ZFAT: variants seen among roughly 807,000 people sequenced by gnomAD.
ZFAT encodes zinc finger and AT-hook domain containing.
ZFAT carries 64 observed loss-of-function variants against 117.7 expected under a neutral mutation model. The observed-to-expected ratio is 0.54, with a 90% CI of 0.44 to 0.67. ZFAT has a LOEUF of 0.67. Ranked by LOEUF, ZFAT falls within the 30% of genes least tolerant of loss-of-function variation. The pLI is 0.00. For missense variants in ZFAT, 1,433 were observed against 1,584.5 expected (o/e 0.90, Z 1.62); for synonymous variants, 679 against 615.0 (o/e 1.10, Z -1.54).
chr8:134,728,440 A>C, the ZFAT span, among the ~76,000 whole-genome samples: 4,996 of 152,254 alleles, frequency 0.033, 144 homozygotes, highest in African/African-American at 0.079. Context: ...TGAAAGGTTC[A>C]TGTGAAGCAG....
intron 7 of ZFAT, among the ~76,000 whole-genome samples, chr8:134,594,079 T>C (rs1826735240): frequency 6.6e-6 from 1 of 152,240 alleles, no homozygotes; most frequent in South Asian, 2.1e-4. Flanking sequence ...CCACTGGAAA[T>C]AGTTCTGTTT....
rs1826965335 is a variant in ZFAT, at chr8:134,596,689, G to A, written c.2475+3747C>T. Among the ~76,000 whole-genome samples, 4 of 152,120 alleles carry A rather than the reference G, an allele frequency of 2.6e-5. No individual in the cohort carries two copies. In the South Asian group the frequency reaches 8.3e-4, roughly 31 times the overall value. On this transcript the variant is annotated intron_variant, in intron 7 of 15. Coordinates refer to ENST00000377838, the MANE Select transcript of ZFAT (RefSeq NM_020863.4). ...AACTGATGAAATGCAGTGTATCCAT[G>A]CAATGGAATATTATTCAGCTGTAAA...
At chr8:134,760,289 C>A in the ZFAT span, among the ~76,000 whole-genome samples, 9,293 of 116,402 alleles carry the variant, frequency 0.08, 431 homozygotes, top group African/African-American at 0.15. Context: ...AAAAAAAAAA[C>A]AAACAAAAAA....
intron 1 of ZFAT, among the ~76,000 whole-genome samples, chr8:134,689,020 C>T (rs1271463114): frequency 6.6e-6 from 1 of 152,182 alleles, no homozygotes; most frequent in South Asian, 2.1e-4. Context: ...CTGCAGTTTA[C>T]TAACATCACA....
At chr8:134,728,742 C>G in the ZFAT span, among the ~76,000 whole-genome samples, 2 of 152,176 alleles carry the variant, frequency 1.3e-5, no homozygotes, top group African/African-American at 4.8e-5. Flanking sequence ...CTGAGCAAGG[C>G]TTCTAAATGT....
chr8:134,637,436 T>C (rs375896505), intron 3 of ZFAT, 25 bp downstream of exon 3: 107 of 1,590,760 alleles, frequency 6.7e-5, no homozygotes, highest in Middle Eastern at 1.7e-4. Context: ...GAAATTGACA[T>C]GTTCAGCCCT....
chr8:134,529,858 TC>T (rs1009146992), intron 12 of ZFAT, among the ~76,000 whole-genome samples: 1 of 152,200 alleles, frequency 6.6e-6, no homozygotes, highest in Non-Finnish European at 1.5e-5. Context: ...CAGCCACTCT[TC>T]CCAGCAAGCT....
chr8:134,503,050 C>T (rs755035274), intron 15 of ZFAT, among the ~76,000 whole-genome samples: 1 of 152,218 alleles, frequency 6.6e-6, no homozygotes, highest in Non-Finnish European at 1.5e-5. Context: ...AGGGGAAATG[C>T]CTGATGTGGA....
the ZFAT span, among the ~76,000 whole-genome samples, chr8:134,825,702 A>G: frequency 1.3e-5 from 2 of 152,366 alleles, no homozygotes; most frequent in East Asian, 3.9e-4. Flanking sequence ...TATGTGTAGT[A>G]TATTTACTTA....
chr8:134,744,670 G>A, the ZFAT span, among the ~76,000 whole-genome samples: 1 of 150,660 alleles, frequency 6.6e-6, no homozygotes, highest in Non-Finnish European at 1.5e-5. Context: ...CTTCTTCAAA[G>A]TCAGCAGGAA....
intron 15 of ZFAT, among the ~76,000 whole-genome samples, chr8:134,494,578 G>A (rs75633583): frequency 5.3e-5 from 8 of 152,204 alleles, no homozygotes; most frequent in Admixed American, 3.3e-4. Flanking sequence ...AAGCCTCCAC[G>A]GAACCCCACC....
In ZFAT at chr8:134,624,084, C is replaced by T. The variant is rs112859460; in HGVS notation, c.448+13377G>A. Among the ~76,000 whole-genome samples, 3 of 152,160 alleles carry T rather than the reference C, an allele frequency of 2.0e-5. 1 individual carries two copies. The highest frequency in any genetic ancestry group is 7.2e-5 in the African/African-American group (3 of 41,524). On this transcript the variant is annotated intron_variant, in intron 3 of 15. Transcript: ENST00000377838. The stretch of plus-strand genomic sequence containing the variant: ...CCATGCCTGGTACACAAAGAGTAGG[C>T]GCTCGGTGCCTCTGATGCACTCATG...
chr8:134,538,679 C>T (rs1822021689), intron 11 of ZFAT, among the ~76,000 whole-genome samples: 1 of 151,708 alleles, frequency 6.6e-6, no homozygotes, highest in South Asian at 2.1e-4. Context: ...TGCCTGTAGT[C>T]CCAGCTACTT....
At chr8:134,788,782 T>A in the ZFAT span, among the ~76,000 whole-genome samples, 1 of 152,162 alleles carries the variant, frequency 6.6e-6, no homozygotes, top group Non-Finnish European at 1.5e-5. Context: ...GATCTTTATG[T>A]GTTTTGGGTG....
chr8:134,598,910 C>T (rs1001084678), intron 7 of ZFAT: 2 of 152,178 alleles, frequency 1.3e-5, no homozygotes, highest in South Asian at 2.1e-4. Context: ...AGGCTAAACA[C>T]GTGGTAAATA....
intron 1 of ZFAT, among the ~76,000 whole-genome samples, chr8:134,699,251 T>C (rs1173936930): frequency 1.3e-5 from 2 of 152,116 alleles, no homozygotes; most frequent in East Asian, 3.9e-4. Flanking sequence ...CCCCAAAGTA[T>C]GAAATGCTTC....
chr8:134,827,738 A>G, the ZFAT span, among the ~76,000 whole-genome samples: 1 of 151,064 alleles, frequency 6.6e-6, no homozygotes. Context: ...ACTGCACTCC[A>G]GCCTGGGTGA....
At chr8:134,759,863 C>T in the ZFAT span, among the ~76,000 whole-genome samples, 25 of 150,646 alleles carry the variant, frequency 1.7e-4, no homozygotes, top group African/African-American at 2.4e-4. Flanking sequence ...TCCAGCTACT[C>T]GGGAGACTGA....
At chr8:134,616,805 C>T (rs956071076) in intron 3 of ZFAT, among the ~76,000 whole-genome samples, 2 of 152,100 alleles carry the variant, frequency 1.3e-5, no homozygotes, top group East Asian at 1.9e-4. Flanking sequence ...TGCAGCACTC[C>T]GGAGTCAGAG....
Sources: allele counts gnomAD v4.1 joint callset (sites outside exome capture counted in the v4.1 genomes callset), GRCh38; gene constraint gnomAD v4.1.1; transcripts MANE v1.5; gene names NCBI Gene and HGNC (gene_info 2026-07-23, HGNC 2026-07-21).